Variants in TMEM127 observed in about 807,000 individuals in gnomAD.
The protein encoded by TMEM127 is transmembrane protein 127.
A neutral mutation model predicts 20.1 loss-of-function variants in TMEM127; 21 were observed. That is an observed-to-expected ratio of 1.04 (90% CI 0.74 to 1.50). The LOEUF is 1.50. Ranked by LOEUF, TMEM127 falls within the 40% of genes most tolerant of loss-of-function variation. The probability of loss-of-function intolerance (pLI) is 0.00; values close to 1 mark genes in which losing one functional copy is unlikely to be tolerated. For synonymous variants in TMEM127, 150 were observed against 144.7 expected (o/e 1.04, Z -0.26); for missense variants, 303 against 317.4 (o/e 0.95, Z 0.34).
intron 2 of TMEM127, 65 bp from the exon 3 acceptor site, chr2:96,255,062 G>C: frequency 6.3e-7 from 1 of 1,597,564 alleles, no homozygotes; most frequent in South Asian, 1.1e-5. Context: ...TCCCCACCTA[G>C]AAGGAGTTTG....
chr2:96,257,908 G>A (rs555853697), intron 2 of TMEM127, among the ~76,000 whole-genome samples: 2 of 137,646 alleles, frequency 1.5e-5, no homozygotes, highest in Admixed American at 7.3e-5. Context: ...GAGTGACTCC[G>A]CCTCAAAAAA....
At chr2:96,256,661 G>A (rs1183668016) in intron 2 of TMEM127, among the ~76,000 whole-genome samples, 2 of 151,918 alleles carry the variant, frequency 1.3e-5, no homozygotes, top group Non-Finnish European at 2.9e-5. Context: ...AAAGAAAAGA[G>A]GAAGAAGGAA....
At chr2:96,256,956 A>G (rs1454018428) in intron 2 of TMEM127, among the ~76,000 whole-genome samples, 6 of 152,196 alleles carry the variant, frequency 3.9e-5, no homozygotes, top group African/African-American at 1.4e-4. Flanking sequence ...CATTTATACC[A>G]CAAAAGCCCC....
At position 96,253,589 on chromosome 2, in the gene TMEM127, A is replaced by G. The variant is rs1402086010; in HGVS notation, c.*219T>C. ...GAATGTGAAGGGGGCAGGATGTGGC[A>G]GGAGGGAAAGAGTACATTATAGAAA... On this transcript the variant is annotated 3_prime_UTR_variant, in exon 4 of 4. Coordinates refer to ENST00000258439, the MANE Select transcript of TMEM127 (RefSeq NM_017849.4). This position sits in a 1 kb window ranked among gnomAD's most constrained non-coding sequence, Gnocchi z 4.3. 2 of 576,466 alleles carry G rather than the reference A, an allele frequency of 3.5e-6. No homozygotes were observed. Among genetic ancestry groups the G allele is most frequent in the Non-Finnish European group, 6.1e-6 (2 of 328,008 alleles). 35.7% of individuals were successfully genotyped at this position (576,466 alleles called of 1,614,324 possible). A position where few individuals can be genotyped will look rare whatever the true frequency, so the allele number is the denominator to read the frequency against.
chr2:96,259,313 T>C (rs1334767381), intron 2 of TMEM127, among the ~76,000 whole-genome samples: 4 of 152,230 alleles, frequency 2.6e-5, no homozygotes, highest in Non-Finnish European at 4.4e-5. Flanking sequence ...GCTGCAGAGC[T>C]AGATTCCAAA....
chr2:96,253,535 A>G lies in TMEM127; in HGVS notation c.*273T>C. The G allele has an allele frequency of 4.1e-6, 2 of 486,132 alleles. No individual in the cohort carries two copies. Among genetic ancestry groups the G allele is most frequent in the Non-Finnish European group, 7.3e-6 (2 of 272,302 alleles). The allele number at this position is 486,132 out of a possible 1,614,324, so 30.1% of individuals were successfully genotyped here. On this transcript the variant is annotated 3_prime_UTR_variant, in exon 4 of 4. Transcript: ENST00000258439. This position sits in a 1 kb window ranked among gnomAD's most constrained non-coding sequence, Gnocchi z 4.3. ...ATCGCCCATGCTGGAGGAAACTTGG[A>G]TGACCTTCCCTGGCTGGTAATGACT... is the stretch of plus-strand genomic sequence containing the variant.
chr2:96,252,219 G>C lies in TMEM127; in HGVS notation c.*1589C>G. The C allele has an allele frequency of 4.3e-6, 1 of 233,348 alleles. No individual in the cohort carries two copies. The highest frequency in any genetic ancestry group is 8.5e-6 in the Non-Finnish European group (1 of 118,092). 14.5% of individuals were successfully genotyped at this position (233,348 alleles called of 1,614,324 possible). A position where few individuals can be genotyped will look rare whatever the true frequency, so the allele number is the denominator to read the frequency against. On this transcript the variant is annotated 3_prime_UTR_variant, in exon 4 of 4. Coordinates refer to ENST00000258439, the MANE Select transcript of TMEM127 (RefSeq NM_017849.4). The surrounding 1 kb of genome is among the most constrained non-coding windows in gnomAD (Gnocchi z 4.2). ...CCCCAGTCAATCTGGCCAAAGGATG[G>C]GACATGACAGTCCCTTTCTAGCCAC...
chr2:96,250,052 G>A lies in TMEM127; in HGVS notation c.*3756C>T, dbSNP rs990626248. On this transcript the variant is annotated 3_prime_UTR_variant, in exon 4 of 4. Transcript: ENST00000258439. ...CTGGGCCCTGGGATTGACTGTGACC[G>A]CCCTCTTCCCCTTTGGCAGGTCCTG... is the stretch of plus-strand genomic sequence containing the variant. 6 of 233,038 alleles carry A rather than the reference G, an allele frequency of 2.6e-5. No individual in the cohort carries two copies. The highest frequency in any genetic ancestry group is 6.0e-5 in the East Asian group (1 of 16,578). 14.4% of individuals were successfully genotyped at this position (233,038 alleles called of 1,614,324 possible).
At chr2:96,258,437 C>T (rs1684252830) in intron 2 of TMEM127, among the ~76,000 whole-genome samples, 2 of 152,222 alleles carry the variant, frequency 1.3e-5, no homozygotes, top group African/African-American at 2.4e-5. Context: ...GCATACCCTG[C>T]CTCAGGCTCA....
In TMEM127 at chr2:96,253,758, G is replaced by C; in HGVS notation, c.*50C>G. On this transcript the variant is annotated 3_prime_UTR_variant, in exon 4 of 4. Transcript: ENST00000258439. The surrounding 1 kb of genome is among the most constrained non-coding windows in gnomAD (Gnocchi z 4.3). ...AGGAGCTCCTCTGGGTGCGAGAGGA[G>C]CTGCAGAGTTGAGGGAGGGGCTGCC... The C allele has an allele frequency of 6.4e-7, 1 of 1,569,896 alleles. No individual in the cohort carries two copies.
chr2:96,262,183 C>T (rs1449799537), intron 2 of TMEM127, among the ~76,000 whole-genome samples: 8 of 150,224 alleles, frequency 5.3e-5, no homozygotes, highest in Non-Finnish European at 8.9e-5. Flanking sequence ...TGCTTGAACC[C>T]GGGAGGCGGA....
At chr2:96,265,102 A>G (rs1203041003) in intron 2 of TMEM127, 36 bp downstream of exon 2, 6 of 1,610,620 alleles carry the variant, frequency 3.7e-6, no homozygotes, top group Non-Finnish European at 5.1e-6. Flanking sequence ...TCTGTCCCCC[A>G]CCGAGGCTTT....
intron 2 of TMEM127, among the ~76,000 whole-genome samples, chr2:96,261,866 T>C (rs1334726407): frequency 6.6e-6 from 1 of 152,140 alleles, no homozygotes; most frequent in East Asian, 1.9e-4. Flanking sequence ...AATGTGGCAC[T>C]CAGGCAGGGG....
chr2:96,262,276 A>AC (rs1558755393), intron 2 of TMEM127, among the ~76,000 whole-genome samples: 1 of 151,652 alleles, frequency 6.6e-6, no homozygotes, highest in Non-Finnish European at 1.5e-5. Context: ...AAAAAAAAAA[A>AC]AAAAACTCTA....
Position 96,265,311 on chromosome 2 carries a change from G to A in TMEM127, c.71C>T (p.Pro24Leu). ...RRRSPGGSAL[P>L]KQPERSLASA... ...GGCCAGGCTACGCTCCGGCTGCTTG[G>A]GCAGAGCGCTGCCTCCCGGGCTCCT... is the stretch of plus-strand genomic sequence containing the variant. The change falls in exon 2 of 4, where the codon CCC becomes CTC. Residue 24 changes from proline to leucine, a missense_variant. By Grantham distance (98) the Pro-to-Leu change is moderately conservative. Coordinates refer to ENST00000258439, the MANE Select transcript of TMEM127 (RefSeq NM_017849.4). The A allele has an allele frequency of 6.5e-7, 1 of 1,538,380 alleles. No individual in the cohort carries two copies. Among genetic ancestry groups the A allele is most frequent in the East Asian group, 2.4e-5 (1 of 41,144 alleles).
In TMEM127 at chr2:96,250,651, C is replaced by G. The variant is rs1226275314; in HGVS notation, c.*3157G>C. 3 of 232,944 alleles carry G rather than the reference C, an allele frequency of 1.3e-5. No homozygotes were observed. Among genetic ancestry groups the G allele is most frequent in the African/African-American group, 6.6e-5 (3 of 45,332 alleles). The allele number at this position is 232,944 out of a possible 1,614,324, so 14.4% of individuals were successfully genotyped here. On this transcript the variant is annotated 3_prime_UTR_variant, in exon 4 of 4. Coordinates refer to ENST00000258439, the MANE Select transcript of TMEM127 (RefSeq NM_017849.4). ...GCTGCTCCCTGAAGAGAGCCCTCAG[C>G]TCTTTTACCGTGATGCACACTCGGG...
At chr2:96,254,180 G>T in intron 3 of TMEM127, 65 bp from the exon 4 acceptor site, 1 of 1,595,318 alleles carries the variant, frequency 6.3e-7, no homozygotes, top group South Asian at 1.1e-5. Flanking sequence ...GATGCTTGAG[G>T]ACCCAATCAC....
intron 2 of TMEM127, among the ~76,000 whole-genome samples, chr2:96,256,777 G>C (rs576781782): frequency 6.6e-6 from 1 of 151,990 alleles, no homozygotes; most frequent in Admixed American, 6.6e-5. Flanking sequence ...TGAACTCTAC[G>C]AGAACAAAAG....
At position 96,253,970 on chromosome 2, in the gene TMEM127, T is replaced by G. The variant is rs2104284151; in HGVS notation, c.555A>C (p.Gly185=). 6.2e-7 allele frequency: 1 copy of G among 1,614,102 alleles called. No individual in the cohort carries two copies. Among genetic ancestry groups the G allele is most frequent in the Non-Finnish European group, 8.5e-7 (1 of 1,179,996 alleles). Residue 185 remains glycine (G), a synonymous_variant, in exon 4 of 4, where the codon GGA becomes GGC. Coordinates refer to ENST00000258439, the MANE Select transcript of TMEM127 (RefSeq NM_017849.4). The surrounding 1 kb of genome is among the most constrained non-coding windows in gnomAD (Gnocchi z 4.3). The part of the protein sequence containing the change: ...VSFYLVAGAG[G]ASILATAANL... ...TGGCTGCCGTGGCCAGGATTGAGGC[T>G]CCACCAGCTCCTGCCACCAGGTAGA...
Sources: allele counts gnomAD v4.1 joint callset (sites outside exome capture counted in the v4.1 genomes callset), GRCh38; gene constraint gnomAD v4.1.1; non-coding constraint Gnocchi (gnomAD v3.1); transcripts MANE v1.5; gene names NCBI Gene and HGNC (gene_info 2026-07-23, HGNC 2026-07-21).